The following BAZ2B variants were observed in gnomAD, a reference collection of about 807,000 sequenced individuals.
BAZ2B encodes bromodomain adjacent to zinc finger domain 2B, also known as bromodomain adjacent to zinc finger domain protein 2B.
Under a neutral mutation model 246.0 loss-of-function variants are expected in BAZ2B, and 91 were observed. The observed-to-expected ratio is 0.37, with a 90% confidence interval of 0.31 to 0.44. BAZ2B has a LOEUF of 0.44. Ranked by LOEUF, BAZ2B falls within the 20% of genes least tolerant of loss-of-function variation. The pLI is 1.00. For missense variants in BAZ2B, 2,332 were observed against 2,533.7 expected (o/e 0.92, Z 1.71); for synonymous variants, 855 against 860.0 (o/e 0.99, Z 0.10).
chr2:159,465,104 A>G (rs916885956), intron 3 of BAZ2B, among the ~76,000 whole-genome samples: 6 of 152,218 alleles, frequency 3.9e-5, no homozygotes, highest in African/African-American at 1.4e-4. Context: ...TCTGGAGGTT[A>G]GAAGTCTGAA....
chr2:159,320,767 A>C (rs1426435781), intron 36 of BAZ2B, among the ~76,000 whole-genome samples: 1 of 152,224 alleles, frequency 6.6e-6, no homozygotes, highest in African/African-American at 2.4e-5. Flanking sequence ...TTCTCTGACC[A>C]AATGTATCAC....
At chr2:159,592,968 C>T (rs916413000) in intron 1 of BAZ2B, among the ~76,000 whole-genome samples, 4 of 152,158 alleles carry the variant, frequency 2.6e-5, no homozygotes, top group African/African-American at 9.7e-5. Context: ...ACACTGAGTT[C>T]CTTGCCTGGA....
chr2:159,441,499 A>G (rs2073375449), intron 6 of BAZ2B, among the ~76,000 whole-genome samples: 1 of 143,432 alleles, frequency 7.0e-6, no homozygotes, highest in South Asian at 2.3e-4. Context: ...AAATGAGAAG[A>G]CAAGTGTGAG....
chr2:159,479,022 C>T (rs1458937208), intron 2 of BAZ2B, among the ~76,000 whole-genome samples: 2 of 152,000 alleles, frequency 1.3e-5, no homozygotes, highest in Admixed American at 6.6e-5. Flanking sequence ...ATGTTATATT[C>T]GTCTTATTCA....
At chr2:159,336,259 T>A (rs1477847900) in intron 33 of BAZ2B, among the ~76,000 whole-genome samples, 1 of 152,244 alleles carries the variant, frequency 6.6e-6, no homozygotes, top group African/African-American at 2.4e-5. Flanking sequence ...GGGACACTTG[T>A]ACATGATTTA....
chr2:159,595,180 G>A (rs186962889), intron 1 of BAZ2B, among the ~76,000 whole-genome samples: 21 of 151,608 alleles, frequency 1.4e-4, no homozygotes, highest in African/African-American at 4.6e-4. Flanking sequence ...TCGGCTCACC[G>A]CAACCTCCGC....
In BAZ2B at chr2:159,579,686, G is replaced by T. The variant is rs569995654; in HGVS notation, c.-45-23821C>A. ...TGCAAAAATCCTCAATAAAATACTG[G>T]CAAACTGAATCCAGCAGCAAAAGCT... On this transcript the variant is annotated intron_variant, in intron 1 of 36. Transcript: ENST00000392783. Among the ~76,000 whole-genome samples, 19 of 152,226 alleles carry T rather than the reference G, an allele frequency of 1.2e-4. No homozygotes were observed. The South Asian group carries it at 3.7e-3, about 30-fold the overall frequency.
intron 19 of BAZ2B, chr2:159,396,985 A>C: frequency 3.9e-6 from 4 of 1,033,034 alleles, no homozygotes; most frequent in Non-Finnish European, 5.3e-6. Context: ...GACAGCAGCC[A>C]GTGCTACACT....
chr2:159,541,132 T>G (rs1221594675), intron 2 of BAZ2B, among the ~76,000 whole-genome samples: 1 of 152,216 alleles, frequency 6.6e-6, no homozygotes, highest in African/African-American at 2.4e-5. Flanking sequence ...TTTGTTTTAC[T>G]GCTTAATCAC....
At chr2:159,628,759 G>C in the BAZ2B span, among the ~76,000 whole-genome samples, 1 of 152,240 alleles carries the variant, frequency 6.6e-6, no homozygotes, top group African/African-American at 2.4e-5. Context: ...CATAGGCAAG[G>C]GCTAAGACTT....
At chr2:159,698,919 T>A in the BAZ2B span, among the ~76,000 whole-genome samples, 1 of 152,248 alleles carries the variant, frequency 6.6e-6, no homozygotes, top group African/African-American at 2.4e-5. Flanking sequence ...AACATATTAG[T>A]ACATATGCAC....
At chr2:159,391,913 T>C (rs1211750013) in intron 20 of BAZ2B, among the ~76,000 whole-genome samples, 1 of 152,196 alleles carries the variant, frequency 6.6e-6, no homozygotes, top group Non-Finnish European at 1.5e-5. Context: ...CAATTCAGCA[T>C]GAATTGTATA....
chr2:159,493,150 A>G (rs1200373100), intron 2 of BAZ2B, among the ~76,000 whole-genome samples: 1 of 152,202 alleles, frequency 6.6e-6, no homozygotes, highest in Non-Finnish European at 1.5e-5. Context: ...ACCATACAGC[A>G]AGCAATTCAG....
chr2:159,632,482 C>T, the BAZ2B span, among the ~76,000 whole-genome samples: 10 of 152,198 alleles, frequency 6.6e-5, no homozygotes, highest in Non-Finnish European at 1.3e-4. Flanking sequence ...AAACTCATCA[C>T]ATCTTACTCT....
intron 3 of BAZ2B, chr2:159,459,370 C>T (rs1273554457): frequency 3.3e-5 from 5 of 152,098 alleles, no homozygotes; most frequent in African/African-American, 7.2e-5. Context: ...CTAGAATAAC[C>T]GGAAATTATT....
intron 9 of BAZ2B, 103 bp from the exon 10 acceptor site, chr2:159,431,259 A>C: frequency 6.9e-7 from 1 of 1,452,270 alleles, no homozygotes; most frequent in Admixed American, 2.6e-5. Context: ...CCTGTGAATG[A>C]GAACTCAAAT....
intron 2 of BAZ2B, among the ~76,000 whole-genome samples, chr2:159,529,575 A>G (rs2085149302): frequency 6.6e-6 from 1 of 152,208 alleles, no homozygotes; most frequent in Non-Finnish European, 1.5e-5. Flanking sequence ...GGTCTTCAGT[A>G]GCCAATCTGT....
At chr2:159,478,402 A>G (rs1265796606) in intron 3 of BAZ2B, among the ~76,000 whole-genome samples, 173 bp downstream of exon 3, 1 of 152,202 alleles carries the variant, frequency 6.6e-6, no homozygotes, top group African/African-American at 2.4e-5. Flanking sequence ...TAGAATAACC[A>G]GTGCTATCCC....
chr2:159,621,314 C>T (rs757254183), upstream of BAZ2B, among the ~76,000 whole-genome samples: 17 of 152,064 alleles, frequency 1.1e-4, no homozygotes, highest in African/African-American at 1.7e-4. Flanking sequence ...CCAGAATTCA[C>T]CATGTCTGGG....
Sources: gnomAD v4.1 joint callset for allele counts (sites outside exome capture counted in the v4.1 genomes callset) on GRCh38, gnomAD v4.1.1 for gene constraint, MANE v1.5 for transcripts, NCBI Gene and HGNC (gene_info 2026-07-23, HGNC 2026-07-21) for gene names.